VAV2: variants seen among roughly 807,000 people sequenced by gnomAD.
VAV2 encodes the protein vav guanine nucleotide exchange factor 2, also known as guanine nucleotide exchange factor VAV2.
VAV2 carries 67 observed loss-of-function variants against 132.5 expected under a neutral mutation model. The ratio of observed to expected loss-of-function variants is 0.51; its 90% CI spans 0.42 to 0.62. The LOEUF is 0.62. VAV2 is among the 20% of genes least tolerant of loss of function. The pLI, the probability that VAV2 is intolerant of heterozygous loss-of-function variation, is 0.00. For synonymous variants in VAV2, 492 were observed against 443.5 expected, an observed-to-expected ratio of 1.11 and a Z score of -1.37; for missense variants, 938 against 1,153.6, an observed-to-expected ratio of 0.81 and a Z score of 2.71.
intron 4 of VAV2, among the ~76,000 whole-genome samples, chr9:133,827,251 G>A (rs2995646): frequency 0.21 from 2,181 of 10,360 alleles, 408 homozygotes; most frequent in African/African-American, 0.48. Context: ...ACCACTGAGC[G>A]GGGGCATCAC....
intron 2 of VAV2, 26 bp downstream of exon 2, chr9:133,939,077 C>T (rs377131099): frequency 1.2e-5 from 20 of 1,607,934 alleles, no homozygotes; most frequent in East Asian, 2.2e-5. Context: ...GCTGAGCGAC[C>T]GAGGCTGGAG....
At chr9:133,791,475 A>C (rs1378469492) in intron 13 of VAV2, among the ~76,000 whole-genome samples, 3 of 152,078 alleles carry the variant, frequency 2.0e-5, no homozygotes, top group Non-Finnish European at 4.4e-5. Context: ...TCTTCTGTCT[A>C]GGCTTGGGGG....
At chr9:133,832,571 T>A (rs970925650) in intron 4 of VAV2, among the ~76,000 whole-genome samples, 2 of 149,452 alleles carry the variant, frequency 1.3e-5, no homozygotes, top group African/African-American at 2.6e-5. Flanking sequence ...TTTTTTTTTT[T>A]ACCCCAGACG....
chr9:133,954,765 T>C (rs1356419843), intron 1 of VAV2, among the ~76,000 whole-genome samples: 1 of 141,460 alleles, frequency 7.1e-6, no homozygotes, highest in East Asian at 2.2e-4. Context: ...CATGTGTTCA[T>C]GTGTGTGCAC....
chr9:133,808,955 C>CA, intron 7 of VAV2, 85 bp downstream of exon 7: 4 of 1,306,804 alleles, frequency 3.1e-6, no homozygotes, highest in Non-Finnish European at 4.3e-6. Flanking sequence ...GGCCCTGCCT[C>CA]CGGAATGCAC....
At chr9:133,819,051 G>A (rs971964353) in intron 4 of VAV2, among the ~76,000 whole-genome samples, 25 of 152,042 alleles carry the variant, frequency 1.6e-4, no homozygotes, top group African/African-American at 6.0e-4. Flanking sequence ...AGCCACGCCT[G>A]TGTTGTTTTT....
chr9:133,905,837 G>A (rs1839630009), intron 2 of VAV2, among the ~76,000 whole-genome samples: 1 of 151,348 alleles, frequency 6.6e-6, no homozygotes, highest in Non-Finnish European at 1.5e-5. Context: ...AAGAGTTCAA[G>A]ACCAGCCTGG....
chr9:133,976,583 A>G (rs924555852), intron 1 of VAV2, among the ~76,000 whole-genome samples: 1 of 152,162 alleles, frequency 6.6e-6, no homozygotes, highest in African/African-American at 2.4e-5. Context: ...AACCTTCCGC[A>G]CTATGGAGTT....
chr9:133,822,337 G>A (rs536731841), intron 4 of VAV2, among the ~76,000 whole-genome samples: 16 of 152,286 alleles, frequency 1.1e-4, no homozygotes, highest in Non-Finnish European at 1.3e-4. Context: ...AAACCGAGTC[G>A]GATGTTTCCT....
chr9:133,915,710 G>A (rs60359262), intron 2 of VAV2, among the ~76,000 whole-genome samples: 51,714 of 145,586 alleles, frequency 0.36, 9,377 homozygotes, highest in East Asian at 0.71. Context: ...ATGCACAGAC[G>A]CACACGATGT....
At chr9:133,881,010 A>T (rs1588307182) in intron 2 of VAV2, among the ~76,000 whole-genome samples, 1 of 152,266 alleles carries the variant, frequency 6.6e-6, no homozygotes, top group South Asian at 2.1e-4. Context: ...GGGGGCAGCA[A>T]CACCCCCCTC....
At position 133,957,006 on chromosome 9, in the gene VAV2, GCCCAGCTCCCCA is replaced by G. The variant is rs377368697; in HGVS notation, c.205-17799_205-17788del. Among the ~76,000 whole-genome samples, 98 of 152,258 alleles carry G rather than the reference GCCCAGCTCCCCA, an allele frequency of 6.4e-4. No individual in the cohort carries two copies. The Middle Eastern group carries it at 0.01, about 16-fold the overall frequency. On this transcript the variant is annotated intron_variant, in intron 1 of 29. Coordinates refer to ENST00000371850, the MANE Select transcript of VAV2 (RefSeq NM_001134398.2). ...GGCAGACTGCAGCACCCACCCACCTGCCCAGCTCCCCACCCAGCTCCCCACCTGCCCGGGGTA... is the reference window on the plus strand; with the variant it reads ...GGCAGACTGCAGCACCCACCCACCTGCCCAGCTCCCCACCTGCCCGGGGTA...
At chr9:133,876,148 G>A (rs1431292926) in intron 2 of VAV2, among the ~76,000 whole-genome samples, 2 of 152,240 alleles carry the variant, frequency 1.3e-5, no homozygotes, top group African/African-American at 4.8e-5. Context: ...CACAGCAGCT[G>A]GTTTCAGGAC....
chr9:133,780,613 C>T (rs954828527), intron 20 of VAV2, 81 bp downstream of exon 20: 12 of 1,283,394 alleles, frequency 9.4e-6, no homozygotes, highest in Middle Eastern at 2.1e-4. Context: ...GAAAGGCAGA[C>T]AATTGGGTCT....
chr9:133,943,464 G>A (rs978471109), intron 1 of VAV2, among the ~76,000 whole-genome samples: 1 of 152,192 alleles, frequency 6.6e-6, no homozygotes, highest in Non-Finnish European at 1.5e-5. Context: ...AGGAGCAAGC[G>A]GCATTCTTCT....
At chr9:133,942,096 A>ACGGTG (rs1841184306) in intron 1 of VAV2, among the ~76,000 whole-genome samples, 1 of 152,200 alleles carries the variant, frequency 6.6e-6, no homozygotes, top group Admixed American at 6.5e-5. Flanking sequence ...ACCCTACTGG[A>ACGGTG]CGGTGCTCTA....
intron 2 of VAV2, among the ~76,000 whole-genome samples, chr9:133,938,228 A>T (rs1390920553): frequency 6.6e-6 from 1 of 152,244 alleles, no homozygotes; most frequent in East Asian, 1.9e-4. Flanking sequence ...TCCAGGAAGC[A>T]GTGTCTCCTA....
chr9:133,984,733 C>G (rs1018325160), intron 1 of VAV2, among the ~76,000 whole-genome samples: 2 of 152,066 alleles, frequency 1.3e-5, no homozygotes, highest in African/African-American at 4.8e-5. Context: ...CGTGTCGAAG[C>G]CTTATCTCTC....
Position 133,870,356 on chromosome 9 carries a change from G to A in VAV2, c.322-8924C>T, listed in dbSNP as rs116212356. On this transcript the variant is annotated intron_variant, in intron 2 of 29. Coordinates refer to ENST00000371850, the MANE Select transcript of VAV2 (RefSeq NM_001134398.2). The stretch of plus-strand genomic sequence containing the variant: ...TCACTCGAGCCAGGCAACTAGCAGC[G>A]ACTCTGAAGGGGAATGCATGAAAGG... Among the ~76,000 whole-genome samples, 681 of 152,248 alleles carry A rather than the reference G, an allele frequency of 4.5e-3. 5 individuals carry two copies. Among genetic ancestry groups the A allele is most frequent in the African/African-American group, 0.015 (633 of 41,526 alleles).
Sources: allele counts gnomAD v4.1 joint callset (sites outside exome capture counted in the v4.1 genomes callset), GRCh38; gene constraint gnomAD v4.1.1; transcripts MANE v1.5; gene names NCBI Gene and HGNC (gene_info 2026-07-23, HGNC 2026-07-21).